RARS2: variants seen among roughly 807,000 people sequenced by gnomAD.
The protein encoded by RARS2 is arginyl-tRNA synthetase 2, mitochondrial, also known as probable arginine--tRNA ligase, mitochondrial.
RARS2 carries 67 observed loss-of-function variants against 88.5 expected under a neutral mutation model. The ratio of observed to expected loss-of-function variants is 0.76; its 90% CI spans 0.62 to 0.93. The LOEUF is 0.93. RARS2 is among the 40% of genes least tolerant of loss of function. RARS2 has a pLI of 0.00. For synonymous variants in RARS2, 239 were observed against 230.3 expected (o/e 1.04, Z -0.34); for missense variants, 664 against 684.2 (o/e 0.97, Z 0.33).
chr6:87,550,632 TTA>T (rs1291861391), intron 5 of RARS2, among the ~76,000 whole-genome samples: 1 of 151,546 alleles, frequency 6.6e-6, no homozygotes, highest in Non-Finnish European at 1.5e-5. Flanking sequence ...ACTCATCAAA[TTA>T]TATGTTTAAA....
chr6:87,552,146 T>A (rs1261867467), intron 5 of RARS2, among the ~76,000 whole-genome samples: 1 of 152,218 alleles, frequency 6.6e-6, no homozygotes, highest in Non-Finnish European at 1.5e-5. Flanking sequence ...GCAAGTTACT[T>A]AATCTAGTAT....
At chr6:87,553,719 G>A (rs1367360424) in intron 5 of RARS2, among the ~76,000 whole-genome samples, 3 of 152,216 alleles carry the variant, frequency 2.0e-5, no homozygotes, top group Admixed American at 1.3e-4. Flanking sequence ...TTAGGAGATG[G>A]CCTTAGTGTA....
In RARS2 at chr6:87,545,596, A is replaced by G. The variant is rs756882386; in HGVS notation, c.535+20T>C. Reference sequence around the variant, plus strand: ...TGAATTTTACAATGAAATGAAAAATAAAATCTCAAGTGTACTTACCAAACT... The same window carrying G: ...TGAATTTTACAATGAAATGAAAAATGAAATCTCAAGTGTACTTACCAAACT... On this transcript the variant is annotated intron_variant, in intron 7 of 19. Coordinates refer to ENST00000369536, the MANE Select transcript of RARS2 (RefSeq NM_020320.5). 1.2e-6 allele frequency: 2 copies of G among 1,613,426 alleles called. No homozygotes were observed. The highest frequency in any genetic ancestry group is 1.7e-6 in the Non-Finnish European group (2 of 1,179,700).
intron 8 of RARS2, among the ~76,000 whole-genome samples, chr6:87,539,058 GAATA>G (rs71018032): frequency 7.3e-5 from 11 of 150,554 alleles, no homozygotes; most frequent in South Asian, 6.3e-4. Context: ...ATAAATAAAT[GAATA>G]AATAAATAAA....
At chr6:87,578,321 T>A (rs1034805150) in intron 1 of RARS2, among the ~76,000 whole-genome samples, 2 of 152,330 alleles carry the variant, frequency 1.3e-5, no homozygotes, top group South Asian at 4.1e-4. Context: ...TTTTCCTTCC[T>A]ATTTTCCTTC....
intron 4 of RARS2, among the ~76,000 whole-genome samples, chr6:87,558,985 G>A (rs1221198242): frequency 2.0e-5 from 3 of 152,184 alleles, no homozygotes; most frequent in Non-Finnish European, 2.9e-5. Context: ...AGATGTGGAG[G>A]TGAAGACAGT....
chr6:87,565,685 G>C (rs1198713727), intron 2 of RARS2, among the ~76,000 whole-genome samples: 1 of 152,124 alleles, frequency 6.6e-6, no homozygotes, highest in Non-Finnish European at 1.5e-5. Flanking sequence ...AATAGTTCAA[G>C]GTGCAAAAAA....
At chr6:87,527,040 G>A (rs1775983308) in intron 10 of RARS2, among the ~76,000 whole-genome samples, 1 of 152,034 alleles carries the variant, frequency 6.6e-6, no homozygotes, top group Non-Finnish European at 1.5e-5. Flanking sequence ...GCCAGGCACA[G>A]TGGCTCACGC....
At chr6:87,578,837 G>C (rs1263955731) in intron 1 of RARS2, among the ~76,000 whole-genome samples, 1 of 151,718 alleles carries the variant, frequency 6.6e-6, no homozygotes, top group African/African-American at 2.4e-5. Flanking sequence ...GCTGGTGCCT[G>C]TAGTCCCAGC....
rs201053442 is a variant in RARS2, at chr6:87,542,009, C to G, written c.536-15G>C. On this transcript the variant is annotated splice_polypyrimidine_tract_variant and intron_variant, in intron 7 of 19. Transcript: ENST00000369536. ...TCCCAGAAGACCTACCATGATAATCCGTAAATGAAAAATTATAAAGTTGAA... is the reference window on the plus strand; with the variant it reads ...TCCCAGAAGACCTACCATGATAATCGGTAAATGAAAAATTATAAAGTTGAA... 4.4e-6 allele frequency: 7 copies of G among 1,602,514 alleles called. No homozygotes were observed. Among genetic ancestry groups the G allele is most frequent in the Middle Eastern group, 1.7e-4 (1 of 6,044 alleles).
chr6:87,519,298 T>G, intron 14 of RARS2: 1 of 382,862 alleles, frequency 2.6e-6, no homozygotes, highest in Non-Finnish European at 4.9e-6. Flanking sequence ...TGTATCCAAA[T>G]TATAACATAG....
At chr6:87,517,469 A>G (rs1475334168) in intron 17 of RARS2, among the ~76,000 whole-genome samples, 3 of 152,238 alleles carry the variant, frequency 2.0e-5, no homozygotes, top group African/African-American at 4.8e-5. Flanking sequence ...ATGTTTAAGA[A>G]TATAAAATAT....
intron 8 of RARS2, among the ~76,000 whole-genome samples, chr6:87,533,083 C>T (rs949814522): frequency 6.6e-6 from 1 of 151,956 alleles, no homozygotes; most frequent in African/African-American, 2.4e-5. Flanking sequence ...TCTTTATTTT[C>T]ACAAAAGAGT....
At chr6:87,565,671 T>C (rs142372076) in intron 2 of RARS2, among the ~76,000 whole-genome samples, 65 of 152,324 alleles carry the variant, frequency 4.3e-4, no homozygotes, top group African/African-American at 1.3e-3. Flanking sequence ...TTCTGTAGGT[T>C]TGAAATAGTT....
chr6:87,575,548 A>G (rs2128206358), intron 1 of RARS2, among the ~76,000 whole-genome samples: 1 of 152,262 alleles, frequency 6.6e-6, no homozygotes, highest in East Asian at 1.9e-4. Context: ...CAGGCTCCAG[A>G]GAGGATGAGG....
intron 4 of RARS2, among the ~76,000 whole-genome samples, chr6:87,561,038 ATATT>A (rs1190683570): frequency 6.6e-6 from 1 of 152,244 alleles, no homozygotes; most frequent in Non-Finnish European, 1.5e-5. Context: ...AGTGATTTAT[ATATT>A]TACTTTTAAT....
chr6:87,518,393 G>A lies in RARS2; in HGVS notation c.1416-129C>T, dbSNP rs557558076. ...TCCTTAATATCCATACACAGTGGAG[G>A]TAACAGTATATTTTTCGACAGGGTT... On this transcript the variant is annotated intron_variant, in intron 16 of 19. Coordinates refer to ENST00000369536, the MANE Select transcript of RARS2 (RefSeq NM_020320.5). 7 of 1,537,198 alleles carry A rather than the reference G, an allele frequency of 4.6e-6. No homozygotes were observed. The East Asian group carries it at 1.2e-4, about 26-fold the overall frequency.
intron 17 of RARS2, among the ~76,000 whole-genome samples, chr6:87,517,452 T>C (rs1347538454): frequency 6.6e-6 from 1 of 152,178 alleles, no homozygotes; most frequent in Non-Finnish European, 1.5e-5. Flanking sequence ...GTAAAAAGCC[T>C]CCAGCCATGT....
intron 11 of RARS2, among the ~76,000 whole-genome samples, chr6:87,523,023 G>A (rs1774452529): frequency 1.3e-5 from 2 of 152,146 alleles, no homozygotes; most frequent in South Asian, 4.1e-4. Context: ...GGAAAAATAT[G>A]GCTGAAAAGG....
Sources: gnomAD v4.1 joint callset for allele counts (sites outside exome capture counted in the v4.1 genomes callset) on GRCh38, gnomAD v4.1.1 for gene constraint, MANE v1.5 for transcripts, NCBI Gene and HGNC (gene_info 2026-07-23, HGNC 2026-07-21) for gene names.